PDE1C: variants seen among roughly 807,000 people sequenced by gnomAD.
The protein encoded by PDE1C is phosphodiesterase 1C.
PDE1C carries 62 observed loss-of-function variants against 93.1 expected under a neutral mutation model. That is an observed-to-expected ratio of 0.67 (90% CI 0.54 to 0.82). PDE1C has a LOEUF of 0.82. Ranked by LOEUF, PDE1C falls within the 40% of genes least tolerant of loss-of-function variation. The probability of loss-of-function intolerance (pLI) is 0.00; values close to 1 mark genes in which losing one functional copy is unlikely to be tolerated. For missense variants in PDE1C, 742 were observed against 884.6 expected (o/e 0.84, Z 2.04); for synonymous variants, 325 against 310.1 (o/e 1.05, Z -0.50).
rs1264864425 is a variant in PDE1C, at chr7:32,289,887, C to A, written c.85+8764G>T. On this transcript the variant is annotated intron_variant, in intron 1 of 18. Coordinates refer to the PDE1C transcript ENST00000396193. ...GAAGCAGCACAGCCATTTGGGGAAG[C>A]AGAGAGAAAGTCAGCAAATCAATTC... 2.0e-5 allele frequency among the ~76,000 whole-genome samples: 3 copies of A among 152,214 alleles called. No individual in the cohort carries two copies. In the East Asian group the frequency reaches 5.8e-4, roughly 29 times the overall value.
chr7:31,911,374 G>A lies in PDE1C; in HGVS notation c.129-30514C>T, dbSNP rs80296194. ...GCTACTTGTGGCCTTTCTACCTGAT[G>A]TGTAACTTCCAGGAAAAGGACAATC... On this transcript the variant is annotated intron_variant, in intron 2 of 17. Transcript: ENST00000396191. 6.5e-3 allele frequency among the ~76,000 whole-genome samples: 996 copies of A among 152,196 alleles called. 14 individuals are homozygous for A. The highest frequency in any genetic ancestry group is 0.022 in the African/African-American group (931 of 41,524).
intron 1 of PDE1C, among the ~76,000 whole-genome samples, chr7:32,239,214 G>C (rs992506148): frequency 6.6e-6 from 1 of 152,156 alleles, no homozygotes; most frequent in African/African-American, 2.4e-5. Flanking sequence ...ATGGGTGACA[G>C]AGTGAGACCC....
intron 1 of PDE1C, among the ~76,000 whole-genome samples, chr7:32,418,955 C>T (rs1255044567): frequency 6.6e-6 from 1 of 152,158 alleles, no homozygotes; most frequent in Admixed American, 6.5e-5. Context: ...GATCTAATGG[C>T]TTCTTTTTTC....
the PDE1C span, chr7:31,655,676 C>T: frequency 2.1e-6 from 2 of 948,622 alleles, no homozygotes; most frequent in Non-Finnish European, 2.5e-6. Context: ...CATCTTGGCT[C>T]CTATATCATG....
intron 2 of PDE1C, among the ~76,000 whole-genome samples, chr7:31,908,912 T>C (rs1800906384): frequency 1.3e-5 from 2 of 152,158 alleles, no homozygotes; most frequent in South Asian, 4.1e-4. Flanking sequence ...ATAATCTGGG[T>C]GGAAAGGCCT....
intron 1 of PDE1C, among the ~76,000 whole-genome samples, chr7:32,410,387 G>A (rs1785143389): frequency 6.6e-6 from 1 of 151,746 alleles, no homozygotes; most frequent in Non-Finnish European, 1.5e-5. Context: ...AGAAGGAGGA[G>A]GGGGTGGAGG....
At chr7:31,956,810 T>C (rs1391800485) in intron 2 of PDE1C, among the ~76,000 whole-genome samples, 1 of 152,136 alleles carries the variant, frequency 6.6e-6, no homozygotes, top group East Asian at 1.9e-4. Context: ...TTCATAGACA[T>C]AGAATTGAAC....
intron 2 of PDE1C, among the ~76,000 whole-genome samples, chr7:32,019,384 T>A (rs912854764): frequency 2.0e-5 from 3 of 152,036 alleles, no homozygotes; most frequent in African/African-American, 7.2e-5. Context: ...ACACATACAA[T>A]ATGGTTGGTG....
chr7:31,658,524 A>G, the PDE1C span: 1 of 665,970 alleles, frequency 1.5e-6, no homozygotes, highest in Non-Finnish European at 2.2e-6. Flanking sequence ...GAGTGTTTTC[A>G]TGTGGAATGG....
intron 3 of PDE1C, among the ~76,000 whole-genome samples, chr7:32,127,201 C>T (rs1220892348): frequency 2.0e-5 from 3 of 152,168 alleles, no homozygotes; most frequent in Non-Finnish European, 2.9e-5. Flanking sequence ...ATACCATCTG[C>T]TCTCTCTGGT....
intron 2 of PDE1C, among the ~76,000 whole-genome samples, chr7:32,186,104 T>TG (rs1803845838): frequency 1.4e-5 from 2 of 147,088 alleles, no homozygotes; most frequent in Non-Finnish European, 1.5e-5. Context: ...TTTTTTTTTT[T>TG]TTTTTTTTTG....
chr7:31,879,573 C>G (rs1797001360), intron 3 of PDE1C, among the ~76,000 whole-genome samples: 1 of 152,196 alleles, frequency 6.6e-6, no homozygotes, highest in African/African-American at 2.4e-5. Context: ...ACTTAAGAGA[C>G]TTTGCAAAGT....
At chr7:31,986,929 A>AC (rs1783484801) in intron 2 of PDE1C, among the ~76,000 whole-genome samples, 10 of 149,892 alleles carry the variant, frequency 6.7e-5, no homozygotes, top group African/African-American at 2.4e-4. Flanking sequence ...ATTGAACACG[A>AC]ACACACACAC....
At chr7:31,648,456 A>G in the PDE1C span, among the ~76,000 whole-genome samples, 1 of 152,120 alleles carries the variant, frequency 6.6e-6, no homozygotes, top group Admixed American at 6.6e-5. Context: ...TAGGGCTAAA[A>G]TGTGTTTTTC....
intron 1 of PDE1C, among the ~76,000 whole-genome samples, chr7:32,242,564 T>C (rs1387837447): frequency 6.6e-6 from 1 of 152,086 alleles, no homozygotes; most frequent in African/African-American, 2.4e-5. Flanking sequence ...ATGACAAAAA[T>C]GGTGGCCTGG....
At chr7:32,378,835 A>G (rs1238173650) in intron 1 of PDE1C, among the ~76,000 whole-genome samples, 1 of 152,194 alleles carries the variant, frequency 6.6e-6, no homozygotes, top group African/African-American at 2.4e-5. Context: ...ACTTTCAGCA[A>G]GATTGATTTG....
chr7:32,201,542 G>C (rs191282951), intron 2 of PDE1C, among the ~76,000 whole-genome samples: 1 of 152,218 alleles, frequency 6.6e-6, no homozygotes, highest in African/African-American at 2.4e-5. Flanking sequence ...AGTAGGACGT[G>C]AGATGCTGAG....
chr7:31,816,343 AT>A (rs1478864222), intron 14 of PDE1C, among the ~76,000 whole-genome samples, 189 bp from the exon 15 acceptor site: 2 of 151,898 alleles, frequency 1.3e-5, no homozygotes, highest in African/African-American at 4.9e-5. Context: ...TAATGATGTC[AT>A]TCTGAAAACA....
chr7:32,075,540 T>C (rs1796302473), upstream of PDE1C, among the ~76,000 whole-genome samples: 1 of 152,104 alleles, frequency 6.6e-6, no homozygotes, highest in South Asian at 2.1e-4. Flanking sequence ...TTTTTCTGTT[T>C]GATTTTATAA....
Sources: gnomAD v4.1 joint callset for allele counts (sites outside exome capture counted in the v4.1 genomes callset) on GRCh38, gnomAD v4.1.1 for gene constraint, MANE v1.5 for transcripts, NCBI Gene and HGNC (gene_info 2026-07-23, HGNC 2026-07-21) for gene names.